Variants in INPP4B observed in about 807,000 individuals in gnomAD.
INPP4B encodes inositol polyphosphate 4-phosphatase type II.
A neutral mutation model predicts 122.5 loss-of-function variants in INPP4B; 55 were observed. That is an observed-to-expected ratio of 0.45 (90% CI 0.36 to 0.56). The LOEUF is 0.56. INPP4B is among the 20% of genes least tolerant of loss of function. INPP4B has a pLI of 0.00. For missense variants in INPP4B, 1,000 were observed against 1,097.7 expected, an observed-to-expected ratio of 0.91 and a Z score of 1.26; for synonymous variants, 403 against 388.7, an observed-to-expected ratio of 1.04 and a Z score of -0.43.
intron 12 of INPP4B, among the ~76,000 whole-genome samples, chr4:142,221,743 T>C (rs1480195933): frequency 6.6e-6 from 1 of 152,234 alleles, no homozygotes; most frequent in Non-Finnish European, 1.5e-5. Flanking sequence ...GTATGATAGG[T>C]ACTAGCCACA....
chr4:142,349,845 C>T (rs553198555), intron 7 of INPP4B, among the ~76,000 whole-genome samples: 1 of 150,926 alleles, frequency 6.6e-6, no homozygotes, highest in East Asian at 2.0e-4. Context: ...GAATTTTATG[C>T]TCAAGTAATT....
chr4:142,044,340 A>G (rs1258680525), intron 25 of INPP4B, among the ~76,000 whole-genome samples: 1 of 152,152 alleles, frequency 6.6e-6, no homozygotes, highest in Non-Finnish European at 1.5e-5. Flanking sequence ...GTATGGCTAG[A>G]GAAGAAGGCA....
chr4:142,820,894 A>C (rs1780721845), intron 1 of INPP4B, among the ~76,000 whole-genome samples: 1 of 152,138 alleles, frequency 6.6e-6, no homozygotes, highest in Admixed American at 6.6e-5. Context: ...TAAGGAAAGA[A>C]TTTATTTAGC....
intron 2 of INPP4B, chr4:142,468,091 T>A (rs1320298028): frequency 6.6e-6 from 1 of 152,166 alleles, no homozygotes; most frequent in Admixed American, 6.5e-5. Flanking sequence ...CTCTTTTGCT[T>A]ATAAATTACC....
chr4:142,037,129 T>G (rs986984372), intron 25 of INPP4B, among the ~76,000 whole-genome samples: 1 of 152,204 alleles, frequency 6.6e-6, no homozygotes, highest in Non-Finnish European at 1.5e-5. Flanking sequence ...GATCAGACAC[T>G]TAAGGGCAGT....
intron 8 of INPP4B, among the ~76,000 whole-genome samples, chr4:142,307,629 T>G (rs929146195): frequency 6.6e-6 from 1 of 152,200 alleles, no homozygotes; most frequent in African/African-American, 2.4e-5. Flanking sequence ...CAAAACAATT[T>G]TATAGTATGC....
At chr4:142,197,000 C>G (rs1000531136) in intron 14 of INPP4B, among the ~76,000 whole-genome samples, 1 of 151,364 alleles carries the variant, frequency 6.6e-6, no homozygotes, top group Non-Finnish European at 1.5e-5. Context: ...GTGGCAGGCA[C>G]CTGTAATCTC....
At chr4:142,146,128 C>A in intron 17 of INPP4B, 132 bp from the exon 18 acceptor site, 1 of 976,146 alleles carries the variant, frequency 1.0e-6, no homozygotes, top group East Asian at 2.5e-5. Context: ...TCTAAATTCC[C>A]ATTAATTTGG....
chr4:142,388,659 G>A (rs759259101), intron 7 of INPP4B, among the ~76,000 whole-genome samples: 1 of 152,134 alleles, frequency 6.6e-6, no homozygotes, highest in Non-Finnish European at 1.5e-5. Context: ...ATTAGAGATT[G>A]CTTTGCATTT....
chr4:142,242,868 T>C (rs749554733), intron 11 of INPP4B, among the ~76,000 whole-genome samples: 1 of 152,176 alleles, frequency 6.6e-6, no homozygotes, highest in Non-Finnish European at 1.5e-5. Flanking sequence ...CATGGGAATA[T>C]GAGCTTTATG....
At chr4:142,270,074 A>G (rs1745012508) in intron 10 of INPP4B, among the ~76,000 whole-genome samples, 1 of 152,194 alleles carries the variant, frequency 6.6e-6, no homozygotes, top group African/African-American at 2.4e-5. Flanking sequence ...TCCTGGACAC[A>G]TATTTATATG....
At chr4:142,552,965 A>G (rs1728331803) in intron 2 of INPP4B, among the ~76,000 whole-genome samples, 1 of 152,170 alleles carries the variant, frequency 6.6e-6, no homozygotes. Context: ...AGATCAATAA[A>G]TTTCCATTAT....
At chr4:142,416,207 T>C (rs1247128344) in intron 5 of INPP4B, among the ~76,000 whole-genome samples, 3 of 151,922 alleles carry the variant, frequency 2.0e-5, no homozygotes, top group African/African-American at 4.8e-5. Flanking sequence ...ATAAAGAAAA[T>C]AGGGGCCTGG....
intron 10 of INPP4B, among the ~76,000 whole-genome samples, chr4:142,264,901 G>A (rs1036118327): frequency 2.0e-5 from 3 of 151,934 alleles, no homozygotes; most frequent in African/African-American, 7.3e-5. Flanking sequence ...GTATTCTTAC[G>A]AGAAAAGGAG....
chr4:142,252,717 G>T (rs184914905), intron 11 of INPP4B, among the ~76,000 whole-genome samples: 46 of 152,256 alleles, frequency 3.0e-4, no homozygotes, highest in African/African-American at 9.1e-4. Flanking sequence ...TGATTATTAA[G>T]TTTTCCTACT....
chr4:142,357,850 T>A (rs1390120790), intron 7 of INPP4B, among the ~76,000 whole-genome samples: 1 of 152,032 alleles, frequency 6.6e-6, no homozygotes. Context: ...TATACATGTT[T>A]GTGAAAGATG....
chr4:142,484,156 G>A (rs1446135477), intron 2 of INPP4B, among the ~76,000 whole-genome samples: 3 of 151,996 alleles, frequency 2.0e-5, no homozygotes, highest in Non-Finnish European at 2.9e-5. Flanking sequence ...TGCTAACTTG[G>A]AAACGAAAGC....
At position 142,466,699 on chromosome 4, in the gene INPP4B, A is replaced by T. The variant is rs150607443; in HGVS notation, c.-190-3973T>A. Among the ~76,000 whole-genome samples the T allele has an allele frequency of 2.0e-5, 3 of 152,318 alleles. No individual in the cohort carries two copies. In the East Asian group the frequency reaches 5.8e-4, roughly 29 times the overall value. On this transcript the variant is annotated intron_variant, in intron 2 of 25. Transcript: ENST00000262992. ...GCAAATATCTAATACAATGGGAAAA[A>T]GGTCTCAAAGGCATTTTAGAAGTCT...
intron 2 of INPP4B, among the ~76,000 whole-genome samples, chr4:142,719,075 T>G (rs1764177135): frequency 6.6e-6 from 1 of 152,188 alleles, no homozygotes; most frequent in Admixed American, 6.5e-5. Context: ...TGAATGGATT[T>G]AAAGCAGATT....
Sources: allele counts gnomAD v4.1 joint callset (sites outside exome capture counted in the v4.1 genomes callset), GRCh38; gene constraint gnomAD v4.1.1; transcripts MANE v1.5; gene names NCBI Gene and HGNC (gene_info 2026-07-23, HGNC 2026-07-21).